The following ZFR2 variants were observed in gnomAD, a reference collection of about 807,000 sequenced individuals.
ZFR2 encodes zinc finger RNA-binding protein 2.
Under a neutral mutation model 105.7 loss-of-function variants are expected in ZFR2, and 104 were observed. That is an observed-to-expected ratio of 0.98 (90% confidence interval 0.84 to 1.16). The LOEUF (loss-of-function observed/expected upper bound fraction) is 1.16, where lower values mean the gene tolerates loss of function less well. Ranked by LOEUF, ZFR2 falls within the 50% of genes most tolerant of loss-of-function variation. ZFR2 has a pLI of 0.00. For synonymous variants in ZFR2, 634 were observed against 597.7 expected, an observed-to-expected ratio of 1.06 and a Z score of -0.89; for missense variants, 1,425 against 1,355.5, an observed-to-expected ratio of 1.05 and a Z score of -0.80.
chr19:3,865,152 T>A (rs930003854), intron 1 of ZFR2, among the ~76,000 whole-genome samples: 1 of 152,082 alleles, frequency 6.6e-6, no homozygotes, highest in African/African-American at 2.4e-5. Flanking sequence ...TAAAAAAAAA[T>A]ATGAGATTCA....
chr19:3,852,758 G>A, intron 1 of ZFR2: 1 of 620,778 alleles, frequency 1.6e-6, no homozygotes, highest in East Asian at 2.8e-5. Flanking sequence ...ACACCCCACA[G>A]CATGACTCAT....
intron 6 of ZFR2, among the ~76,000 whole-genome samples, chr19:3,827,152 G>T (rs1408169641): frequency 1.3e-5 from 2 of 152,300 alleles, no homozygotes; most frequent in East Asian, 3.9e-4. Flanking sequence ...TGAGGCATGA[G>T]AATTGCTTGA....
chr19:3,861,805 A>G (rs1241583610), intron 1 of ZFR2, among the ~76,000 whole-genome samples: 2 of 152,114 alleles, frequency 1.3e-5, no homozygotes, highest in African/African-American at 2.4e-5. Flanking sequence ...GCATGCCTGT[A>G]GTCCCAGCTG....
chr19:3,807,384 T>G, intron 17 of ZFR2, 115 bp from the exon 18 acceptor site: 1 of 715,756 alleles, frequency 1.4e-6, no homozygotes, highest in Non-Finnish European at 2.3e-6. Context: ...GGGGCTATAC[T>G]TGCAGCCGTG....
chr19:3,826,857 C>T (rs574542314), intron 6 of ZFR2, among the ~76,000 whole-genome samples: 4 of 152,256 alleles, frequency 2.6e-5, no homozygotes, highest in African/African-American at 7.2e-5. Context: ...CTGTCTGTCA[C>T]CACGCCCGAA....
At chr19:3,836,698 G>A (rs2145166546) in intron 1 of ZFR2, among the ~76,000 whole-genome samples, 1 of 152,320 alleles carries the variant, frequency 6.6e-6, no homozygotes, top group East Asian at 1.9e-4. Context: ...ACCCTTCAGA[G>A]GACATGCGGC....
intron 1 of ZFR2, among the ~76,000 whole-genome samples, chr19:3,862,802 G>A (rs1438034663): frequency 1.3e-5 from 2 of 152,192 alleles, no homozygotes; most frequent in African/African-American, 2.4e-5. Flanking sequence ...CCCCTAACAC[G>A]TATTTCAGCC....
chr19:3,825,332 C>CA lies in ZFR2; in HGVS notation c.1110_1111insT (p.Gly371TrpfsTer38). 6.3e-7 allele frequency: 1 copy of CA among 1,587,680 alleles called. No homozygotes were observed. On this transcript the variant is annotated frameshift_variant, in exon 7 of 19. Transcript: ENST00000262961. LOFTEE classifies it high-confidence loss of function. The stretch of plus-strand genomic sequence containing the variant: ...GGGGACGTGGGCTTGGCCTCTGCCC[C>CA]GGGGGGGCTCTCTGTGGCCAGTGCA...
Position 3,819,113 on chromosome 19 carries a change from G to A in ZFR2, c.1863C>T (p.Leu621=). ...QRAVSHAERA[L]KLVSDTLAEE... Reference sequence around the variant, plus strand: ...CGGCCAGTGTGTCGGACACCAGCTTGAGGGCCCGCTCTGCGTGGGACACGG... The same window carrying A: ...CGGCCAGTGTGTCGGACACCAGCTTAAGGGCCCGCTCTGCGTGGGACACGG... The change falls in exon 12 of 19, where the codon CTC becomes CTT. Residue 621 remains leucine, a synonymous_variant. Transcript: ENST00000262961. 1.2e-6 allele frequency: 2 copies of A among 1,612,146 alleles called. No individual in the cohort carries two copies. The highest frequency in any genetic ancestry group is 8.5e-7 in the Non-Finnish European group (1 of 1,179,756).
intron 12 of ZFR2, 132 bp downstream of exon 12, chr19:3,818,913 C>G (rs2037854395): frequency 1.7e-6 from 2 of 1,168,336 alleles, no homozygotes; most frequent in African/African-American, 1.6e-5. Context: ...ACTCCTGGGG[C>G]TGGAAAGCTG....
In ZFR2 at chr19:3,869,038, T is replaced by C; in HGVS notation, c.-21A>G. 1 of 1,338,816 alleles carries C rather than the reference T, an allele frequency of 7.5e-7. No homozygotes were observed. The highest frequency in any genetic ancestry group is 3.1e-5 in the East Asian group (1 of 31,946). 82.9% of individuals were successfully genotyped at this position (1,338,816 alleles called of 1,614,324 possible). A position where few individuals can be genotyped will look rare whatever the true frequency, so the allele number is the denominator to read the frequency against. On this transcript the variant is annotated 5_prime_UTR_variant, in exon 1 of 19. Coordinates refer to ENST00000262961, the MANE Select transcript of ZFR2 (RefSeq NM_015174.2). ...GCCATCTTGGCGTCTTCCCCGAGCC[T>C]GGCGGACCCGCGACGTCACCCGCCC...
chr19:3,807,836 TCCATGTGTGTGC>T (rs2037716516), intron 17 of ZFR2, among the ~76,000 whole-genome samples: 3 of 147,124 alleles, frequency 2.0e-5, no homozygotes, highest in African/African-American at 7.6e-5. Flanking sequence ...GTGCACTCAT[TCCATGTGTGTGC>T]CCGTGTGTGT....
rs779996472 is a variant in ZFR2, at chr19:3,816,700, C to T, written c.2077G>A (p.Ala693Thr). The change falls in exon 13 of 19, where the codon GCC becomes ACC. Residue 693 changes from alanine (A) to threonine (T), a missense_variant. By Grantham distance (58) the Ala-to-Thr change is moderately conservative. Coordinates refer to ENST00000262961, the MANE Select transcript of ZFR2 (RefSeq NM_015174.2). ...KPTHSLLRRI[A>T]QQLPRQLQMV... ...TGGAGCTGCCGGGGCAGCTGCTGGG[C>T]GATCCTCCGCAGCAGGCTGTGCGTG... 8.7e-6 allele frequency: 14 copies of T among 1,609,908 alleles called. No homozygotes were observed. Among genetic ancestry groups the T allele is most frequent in the Admixed American group, 1.7e-5 (1 of 59,898 alleles).
At chr19:3,814,315 T>C (rs567321637) in intron 13 of ZFR2, among the ~76,000 whole-genome samples, 1 of 152,292 alleles carries the variant, frequency 6.6e-6, no homozygotes, top group African/African-American at 2.4e-5. Context: ...ATGGCCCTTT[T>C]TACACAGTGA....
At chr19:3,864,641 G>A (rs2038409875) in intron 1 of ZFR2, among the ~76,000 whole-genome samples, 1 of 152,318 alleles carries the variant, frequency 6.6e-6, no homozygotes, top group East Asian at 1.9e-4. Flanking sequence ...TGACTAGTGT[G>A]ACTTAACATG....
Position 3,831,465 on chromosome 19 carries a change from C to T in ZFR2, c.690G>A (p.Pro230=), listed in dbSNP as rs764974913. The T allele has an allele frequency of 6.5e-6, 10 of 1,549,000 alleles. No individual in the cohort carries two copies. Among genetic ancestry groups the T allele is most frequent in the East Asian group, 2.4e-5 (1 of 41,056 alleles). ...PAQPPPPPGP[P]QQLPPPPAPA... ...GCGCGGGCGGCGGGGGCAGCTGCTG[C>T]GGGGGTCCCGGGGGAGGCGGGGGCT... The change falls in exon 5 of 19, where the codon CCG becomes CCA. Residue 230 remains proline, a synonymous_variant. Coordinates refer to ENST00000262961, the MANE Select transcript of ZFR2 (RefSeq NM_015174.2).
intron 1 of ZFR2, among the ~76,000 whole-genome samples, chr19:3,861,888 T>C (rs2038378385): frequency 6.6e-6 from 1 of 152,140 alleles, no homozygotes; most frequent in South Asian, 2.1e-4. Context: ...ATCGCGCCAT[T>C]GCACTCCAGC....
chr19:3,847,842 A>T (rs903902880), intron 1 of ZFR2, among the ~76,000 whole-genome samples: 3 of 152,110 alleles, frequency 2.0e-5, no homozygotes, highest in African/African-American at 7.2e-5. Flanking sequence ...AGGCCGGGAG[A>T]GCTGATTTAG....
Position 3,868,979 on chromosome 19 carries a change from G to T in ZFR2, c.39C>A (p.Gly13=). ...GGGGCAGTTACCTGTACTGCGGGCCGCCGCCCTGCGCGAAGTCGAAATACT... is the reference window on the plus strand; with the variant it reads ...GGGGCAGTTACCTGTACTGCGGGCCTCCGCCCTGCGCGAAGTCGAAATACT... ...TSQYFDFAQG[G]GPQYSAQPPT... The change falls in exon 1 of 19, where the codon GGC becomes GGA. Residue 13 remains glycine (G), a synonymous_variant. Transcript: ENST00000262961. The T allele has an allele frequency of 7.3e-7, 1 of 1,364,004 alleles. No individual in the cohort carries two copies. Among genetic ancestry groups the T allele is most frequent in the Non-Finnish European group, 9.5e-7 (1 of 1,048,558 alleles). The allele number at this position is 1,364,004 out of a possible 1,614,324, so 84.5% of individuals were successfully genotyped here. A position where few individuals can be genotyped will look rare whatever the true frequency, so the allele number is the denominator to read the frequency against.
Sources: gnomAD v4.1 joint callset for allele counts (sites outside exome capture counted in the v4.1 genomes callset) on GRCh38, gnomAD v4.1.1 for gene constraint, MANE v1.5 for transcripts, NCBI Gene and HGNC (gene_info 2026-07-23, HGNC 2026-07-21) for gene names.